Variants in NFIA observed in about 807,000 individuals in gnomAD.
NFIA encodes nuclear factor 1 A-type.
In NFIA, 8 loss-of-function variants were observed where a neutral mutation model predicts 62.8. The observed-to-expected ratio is 0.13, with a 90% CI of 0.07 to 0.23. The LOEUF (loss-of-function observed/expected upper bound fraction) is 0.23, where lower values mean the gene tolerates loss of function less well. Among genes scored for constraint, NFIA ranks in the 10% least tolerant of loss-of-function variants. The probability of loss-of-function intolerance (pLI) is 1.00; values close to 1 mark genes in which losing one functional copy is unlikely to be tolerated. For missense variants in NFIA, 410 were observed against 642.1 expected (o/e 0.64, Z 3.91); for synonymous variants, 235 against 238.1 (o/e 0.99, Z 0.12).
chr1:61,135,440 T>C (rs944922012), intron 2 of NFIA, among the ~76,000 whole-genome samples: 1 of 152,196 alleles, frequency 6.6e-6, no homozygotes, highest in African/African-American at 2.4e-5. Context: ...AGGGTCTTGC[T>C]CTGTTGCACA....
At chr1:61,247,435 A>C (rs1209308447) in intron 2 of NFIA, among the ~76,000 whole-genome samples, 1 of 152,102 alleles carries the variant, frequency 6.6e-6, no homozygotes, top group African/African-American at 2.4e-5. Context: ...CATACACCAC[A>C]CCACACTAGG....
chr1:61,194,618 A>G (rs1284170640), intron 2 of NFIA, among the ~76,000 whole-genome samples: 3 of 152,238 alleles, frequency 2.0e-5, no homozygotes, highest in African/African-American at 7.2e-5. Flanking sequence ...TTATAGAGAT[A>G]AAGAATTGTA....
At chr1:61,098,287 G>C (rs113419220) in intron 2 of NFIA, among the ~76,000 whole-genome samples, 6 of 152,264 alleles carry the variant, frequency 3.9e-5, no homozygotes, top group African/African-American at 1.2e-4. Flanking sequence ...GAGAACTAAC[G>C]ATAAGTGGGT....
intron 3 of NFIA, among the ~76,000 whole-genome samples, chr1:61,304,247 G>T (rs1364268514): frequency 6.6e-6 from 1 of 151,820 alleles, no homozygotes; most frequent in Non-Finnish European, 1.5e-5. Context: ...CTGCACTCCA[G>T]CCTGGGCAAC....
At chr1:61,186,558 C>T (rs1651197288) in intron 2 of NFIA, among the ~76,000 whole-genome samples, 1 of 152,224 alleles carries the variant, frequency 6.6e-6, no homozygotes, top group South Asian at 2.1e-4. Context: ...TGTGCCAAGA[C>T]CTCTCACATT....
At chr1:61,275,145 CTG>C (rs1420052661) in intron 2 of NFIA, among the ~76,000 whole-genome samples, 1 of 152,158 alleles carries the variant, frequency 6.6e-6, no homozygotes, top group Non-Finnish European at 1.5e-5. Context: ...GTGTTTGTAT[CTG>C]AGCTTTCACG....
chr1:61,345,093 G>GAGGC (rs71582638), intron 4 of NFIA, among the ~76,000 whole-genome samples: 14,589 of 152,152 alleles, frequency 0.096, 825 homozygotes, highest in Middle Eastern at 0.17. Flanking sequence ...TGACAGGAAA[G>GAGGC]AGGCAGGGGT....
At chr1:61,185,124 T>TAG (rs1355231245) in intron 2 of NFIA, among the ~76,000 whole-genome samples, 1 of 152,228 alleles carries the variant, frequency 6.6e-6, no homozygotes, top group African/African-American at 2.4e-5. Context: ...TTTTTAAACT[T>TAG]ACATGCTTTA....
chr1:61,309,904 T>G (rs1158940294), intron 3 of NFIA, among the ~76,000 whole-genome samples: 1 of 152,142 alleles, frequency 6.6e-6, no homozygotes, highest in African/African-American at 2.4e-5. Context: ...ATAAATAAAT[T>G]TAGGTGAATG....
chr1:61,287,659 C>A (rs1658592813), intron 3 of NFIA, among the ~76,000 whole-genome samples: 1 of 151,570 alleles, frequency 6.6e-6, no homozygotes, highest in South Asian at 2.1e-4. Context: ...GTCCCCAACC[C>A]CCCCCAAAAA....
In NFIA at chr1:61,201,618, A is replaced by G. The variant is rs545043059; in HGVS notation, c.560-75902A>G. Among the ~76,000 whole-genome samples, 11 of 152,200 alleles carry G rather than the reference A, an allele frequency of 7.2e-5. No individual in the cohort carries two copies. In the South Asian group the frequency reaches 1.7e-3, roughly 23 times the overall value. On this transcript the variant is annotated intron_variant, in intron 2 of 10. Coordinates refer to ENST00000403491, the MANE Select transcript of NFIA (RefSeq NM_001134673.4). ...TAATGTAACATCAGTTGTGGAGAAAATATTAGGTTCAATTACATAAGGATT... is the reference window on the plus strand; with the variant it reads ...TAATGTAACATCAGTTGTGGAGAAAGTATTAGGTTCAATTACATAAGGATT...
At chr1:61,169,273 T>TCTAA (rs1426557469) in intron 2 of NFIA, among the ~76,000 whole-genome samples, 6 of 152,270 alleles carry the variant, frequency 3.9e-5, no homozygotes, top group African/African-American at 1.4e-4. Context: ...AAGAGAGGAT[T>TCTAA]CTAAATATTT....
chr1:61,108,405 A>G (rs1646640455), intron 2 of NFIA, among the ~76,000 whole-genome samples: 1 of 151,690 alleles, frequency 6.6e-6, no homozygotes, highest in African/African-American at 2.4e-5. Flanking sequence ...AATTTCTAGT[A>G]TAGAAATACA....
intron 2 of NFIA, among the ~76,000 whole-genome samples, chr1:61,203,973 A>T (rs1039219883): frequency 1.3e-5 from 2 of 152,116 alleles, no homozygotes; most frequent in Non-Finnish European, 2.9e-5. Context: ...TGTGTGTATG[A>T]GCTGTAGTTG....
intron 5 of NFIA, among the ~76,000 whole-genome samples, chr1:61,352,783 A>G (rs1358349900): frequency 2.7e-5 from 4 of 148,804 alleles, no homozygotes; most frequent in African/African-American, 5.1e-5. Flanking sequence ...ACACACACAC[A>G]CGCACACACA....
Position 61,455,523 on chromosome 1 carries a change from T to G in NFIA, c.*203T>G. ...CCATAACCTTTTGGGATTTTTTTTT[T>G]TTTAAAATACTTTAGGGACTGTTGT... On this transcript the variant is annotated 3_prime_UTR_variant, in exon 11 of 11. Transcript: ENST00000403491. 1 of 750,222 alleles carries G rather than the reference T, an allele frequency of 1.3e-6. No homozygotes were observed. The highest frequency in any genetic ancestry group is 2.1e-6 in the Non-Finnish European group (1 of 468,464). 46.5% of individuals were successfully genotyped at this position (750,222 alleles called of 1,614,324 possible).
intron 7 of NFIA, among the ~76,000 whole-genome samples, chr1:61,402,182 C>T (rs906719305): frequency 1.5e-4 from 23 of 151,798 alleles, no homozygotes; most frequent in African/African-American, 5.6e-4. Context: ...GAACTACAGG[C>T]ACCCACCACC....
intron 10 of NFIA, among the ~76,000 whole-genome samples, chr1:61,437,765 T>TA (rs1490798001): frequency 6.6e-6 from 1 of 152,084 alleles, no homozygotes; most frequent in Non-Finnish European, 1.5e-5. Flanking sequence ...AGGAGACAGA[T>TA]ATACTTGGTG....
intron 2 of NFIA, among the ~76,000 whole-genome samples, chr1:61,255,709 C>T (rs1656347990): frequency 6.6e-6 from 1 of 152,164 alleles, no homozygotes; most frequent in East Asian, 1.9e-4. Context: ...TTTTGGTCTT[C>T]AAGTCACCTT....
Sources: gnomAD v4.1 joint callset for allele counts (sites outside exome capture counted in the v4.1 genomes callset) on GRCh38, gnomAD v4.1.1 for gene constraint, MANE v1.5 for transcripts, NCBI Gene and HGNC (gene_info 2026-07-23, HGNC 2026-07-21) for gene names.